PLEKHA8: variants seen among roughly 807,000 people sequenced by gnomAD.
The protein encoded by PLEKHA8 is pleckstrin homology domain-containing family A member 8.
In PLEKHA8, 36 loss-of-function variants were observed where a neutral mutation model predicts 68.2. The ratio of observed to expected loss-of-function variants is 0.53; its 90% CI spans 0.40 to 0.70. The LOEUF (loss-of-function observed/expected upper bound fraction) is 0.70. Among genes scored for constraint, PLEKHA8 ranks in the 30% least tolerant of loss-of-function variants. The pLI is 0.00. For synonymous variants in PLEKHA8, 211 were observed against 216.1 expected, an observed-to-expected ratio of 0.98 and a Z score of 0.20; for missense variants, 505 against 615.4, an observed-to-expected ratio of 0.82 and a Z score of 1.90.
chr7:30,056,773 GTGTGTGTGTGTGTATA>G (rs1451969105), intron 9 of PLEKHA8, among the ~76,000 whole-genome samples: 4 of 132,030 alleles, frequency 3.0e-5, no homozygotes, highest in Admixed American at 7.9e-5. Context: ...GTGTGTGTGT[GTGTGTGTGTGTGTATA>G]TATATATGTT....
intron 12 of PLEKHA8, among the ~76,000 whole-genome samples, chr7:30,065,387 C>T (rs1255929863): frequency 1.3e-5 from 2 of 151,996 alleles, no homozygotes; most frequent in African/African-American, 4.8e-5. Flanking sequence ...CCTATTAAAC[C>T]CACCCTCCCT....
At chr7:30,053,755 C>G (rs1225078918) in intron 7 of PLEKHA8, among the ~76,000 whole-genome samples, 1 of 152,136 alleles carries the variant, frequency 6.6e-6, no homozygotes, top group Non-Finnish European at 1.5e-5. Context: ...ACAGTCAGTT[C>G]TCATTATTTG....
At chr7:30,125,346 G>A (rs1299795610) in intron 13 of PLEKHA8, among the ~76,000 whole-genome samples, 8 of 152,246 alleles carry the variant, frequency 5.3e-5, no homozygotes, top group Middle Eastern at 3.4e-3. Flanking sequence ...TTTCAGCTGC[G>A]TTTATTGGGG....
In PLEKHA8 at chr7:30,041,785, CTAGTT is replaced by C. The variant is rs566057867; in HGVS notation, c.41-3295_41-3291del. ...TTTTTCAGATTCTTGTAAGATAAAA[CTAGTT>C]TAGTACATTTTTTTCAGTTTTAGGA... On this transcript the variant is annotated intron_variant, in intron 1 of 13. Transcript: ENST00000449726. Among the ~76,000 whole-genome samples the C allele has an allele frequency of 1.4e-3, 209 of 152,214 alleles. 1 individual carries two copies. The highest frequency in any genetic ancestry group is 4.7e-3 in the African/African-American group (196 of 41,528).
At chr7:30,050,251 TAAG>T (rs1028595865) in intron 5 of PLEKHA8, among the ~76,000 whole-genome samples, 180 bp from the exon 6 acceptor site, 31 of 152,322 alleles carry the variant, frequency 2.0e-4, no homozygotes, top group African/African-American at 6.7e-4. Flanking sequence ...TTTGTATAAA[TAAG>T]AAGGACTAGT....
chr7:30,110,792 T>C (rs1342590122), intron 13 of PLEKHA8, among the ~76,000 whole-genome samples: 1 of 152,240 alleles, frequency 6.6e-6, no homozygotes, highest in Non-Finnish European at 1.5e-5. Context: ...TTTCTTTTGG[T>C]TAATGATGTT....
chr7:30,127,371 C>T (rs1296085618), intron 13 of PLEKHA8, among the ~76,000 whole-genome samples: 1 of 152,196 alleles, frequency 6.6e-6, no homozygotes, highest in Non-Finnish European at 1.5e-5. Context: ...TTCACCCAAA[C>T]ATATAGATAC....
intron 1 of PLEKHA8, among the ~76,000 whole-genome samples, chr7:30,034,277 AG>A (rs2127959133): frequency 6.6e-6 from 1 of 151,904 alleles, no homozygotes; most frequent in East Asian, 1.9e-4. Flanking sequence ...CCAAAGTGCT[AG>A]GATTACAGGT....
At chr7:30,062,977 G>C (rs980536951) in intron 12 of PLEKHA8, among the ~76,000 whole-genome samples, 4 of 152,178 alleles carry the variant, frequency 2.6e-5, no homozygotes, top group African/African-American at 9.7e-5. Flanking sequence ...AAGACGTGCT[G>C]AATAAGTGGA....
At chr7:30,056,796 TG>T (rs1233701868) in intron 9 of PLEKHA8, among the ~76,000 whole-genome samples, 11 of 143,656 alleles carry the variant, frequency 7.7e-5, no homozygotes, top group African/African-American at 2.3e-4. Context: ...TATATATATA[TG>T]TTATGTGTAT....
chr7:30,053,782 T>C lies in PLEKHA8; in HGVS notation c.796+916T>C, dbSNP rs140949493. Among the ~76,000 whole-genome samples, 24 of 152,330 alleles carry C rather than the reference T, an allele frequency of 1.6e-4. No homozygotes were observed. The East Asian group carries it at 2.5e-3, about 16-fold the overall frequency. ...CATTATTTGCAGTAGTTAGGTGTTA[T>C]TGAGTCACCATGAGCACTAAATTAG... On this transcript the variant is annotated intron_variant, in intron 7 of 13. Transcript: ENST00000449726.
At chr7:30,061,184 C>G (rs553265867) in intron 10 of PLEKHA8, among the ~76,000 whole-genome samples, 3 of 152,150 alleles carry the variant, frequency 2.0e-5, no homozygotes, top group Non-Finnish European at 4.4e-5. Context: ...CCAGGACTGC[C>G]TTTTCATGTG....
chr7:30,092,415 A>G (rs1795452608), downstream of PLEKHA8, among the ~76,000 whole-genome samples: 1 of 151,920 alleles, frequency 6.6e-6, no homozygotes, highest in African/African-American at 2.4e-5. Context: ...ACTGTGTGTC[A>G]CGGCACCTTC....
chr7:30,055,983 C>G (rs1023494000), intron 9 of PLEKHA8, among the ~76,000 whole-genome samples: 5 of 147,896 alleles, frequency 3.4e-5, no homozygotes, highest in Non-Finnish European at 5.9e-5. Context: ...TGCTCTGTCA[C>G]CCAGGCTGCA....
At chr7:30,067,728 C>T (rs1248106904) in intron 12 of PLEKHA8, among the ~76,000 whole-genome samples, 2 of 152,184 alleles carry the variant, frequency 1.3e-5, no homozygotes, top group African/African-American at 2.4e-5. Flanking sequence ...TATGAGGTAT[C>T]ATATTGTGCA....
At chr7:30,128,271 T>A (rs909751750) in intron 13 of PLEKHA8, among the ~76,000 whole-genome samples, 3 of 152,126 alleles carry the variant, frequency 2.0e-5, no homozygotes, top group Non-Finnish European at 4.4e-5. Context: ...CATGCCCAGC[T>A]AATTTTTTAT....
At chr7:30,089,794 C>G (rs1795338553) in intron 12 of PLEKHA8, among the ~76,000 whole-genome samples, 1 of 152,098 alleles carries the variant, frequency 6.6e-6, no homozygotes, top group South Asian at 2.1e-4. Context: ...AAAACAAGCA[C>G]TCAGGAGCCA....
In PLEKHA8 at chr7:30,110,452, G is replaced by A. The variant is rs368259772; in HGVS notation, c.1363-18814G>A. Among the ~76,000 whole-genome samples, 8 of 152,276 alleles carry A rather than the reference G, an allele frequency of 5.3e-5. No homozygotes were observed. In the East Asian group the frequency reaches 1.5e-3, roughly 29 times the overall value. ...GCATTTGGACTGTTTCCATTTGGGG[G>A]TTATTATTAATAATGTTGCTAGAAT... On this transcript the variant is annotated intron_variant, in intron 13 of 13. Coordinates refer to the PLEKHA8 transcript ENST00000396257.
intron 1 of PLEKHA8, 42 bp downstream of exon 1, chr7:30,028,844 C>G: frequency 8.0e-7 from 1 of 1,250,154 alleles, no homozygotes; most frequent in Non-Finnish European, 1.0e-6. Flanking sequence ...GGGGGCCGGT[C>G]CTTTGTCTGC....
Sources: allele counts gnomAD v4.1 joint callset (sites outside exome capture counted in the v4.1 genomes callset), GRCh38; gene constraint gnomAD v4.1.1; transcripts MANE v1.5; gene names NCBI Gene and HGNC (gene_info 2026-07-23, HGNC 2026-07-21).